The following HTR7 variants were observed in gnomAD, a reference collection of about 807,000 sequenced individuals.
HTR7 encodes 5-HT-7.
Under a neutral mutation model 34.0 loss-of-function variants are expected in HTR7, and 16 were observed. The ratio of observed to expected loss-of-function variants is 0.47; its 90% CI spans 0.32 to 0.71. The LOEUF (loss-of-function observed/expected upper bound fraction) is 0.71. Among genes scored for constraint, HTR7 ranks in the 30% least tolerant of loss-of-function variants. The pLI is 0.04. For missense variants in HTR7, 504 were observed against 625.5 expected (o/e 0.81, Z 2.07); for synonymous variants, 265 against 260.2 (o/e 1.02, Z -0.18).
chr10:90,749,573 G>A lies in HTR7; in HGVS notation c.561C>T (p.Pro187=), dbSNP rs1223418904. The A allele has an allele frequency of 3.1e-6, 5 of 1,611,444 alleles. No homozygotes were observed. The highest frequency in any genetic ancestry group is 4.2e-6 in the Non-Finnish European group (5 of 1,178,324). The part of the protein sequence containing the change: ...SIDRYLGITR[P]LTYPVRQNGK... ...CATTCTGCCTCACAGGGTATGTGAGGGGCCTTGTGATCCCAAGGTACCTAG... is the reference window on the plus strand; with the variant it reads ...CATTCTGCCTCACAGGGTATGTGAGAGGCCTTGTGATCCCAAGGTACCTAG... The change falls in exon 2 of 4, where the codon CCC becomes CCT. Residue 187 remains proline (P), a synonymous_variant. Coordinates refer to ENST00000336152, the MANE Select transcript of HTR7 (RefSeq NM_019859.4). This position sits in a 1 kb window ranked among gnomAD's most constrained non-coding sequence, Gnocchi z 4.2.
At chr10:90,845,720 C>T (rs1054115786) in intron 1 of HTR7, among the ~76,000 whole-genome samples, 2 of 152,146 alleles carry the variant, frequency 1.3e-5, no homozygotes. Context: ...TAGGTGGTGC[C>T]CCAGTGGTCA....
At chr10:90,828,904 G>A (rs1846120896) in intron 1 of HTR7, among the ~76,000 whole-genome samples, 1 of 151,350 alleles carries the variant, frequency 6.6e-6, no homozygotes, top group Admixed American at 6.6e-5. Flanking sequence ...GGATGTAGAA[G>A]TCTCAGGGGG....
intron 1 of HTR7, among the ~76,000 whole-genome samples, chr10:90,777,098 T>TA (rs1233423416): frequency 2.6e-5 from 4 of 152,192 alleles, no homozygotes; most frequent in Non-Finnish European, 5.9e-5. Context: ...AGGACAGGTA[T>TA]AGTCACTTAC....
At chr10:90,783,836 T>C (rs1478901826) in intron 1 of HTR7, among the ~76,000 whole-genome samples, 1 of 152,208 alleles carries the variant, frequency 6.6e-6, no homozygotes, top group Admixed American at 6.5e-5. Flanking sequence ...CACCTCTGCC[T>C]GGGTCTTCTT....
intron 1 of HTR7, among the ~76,000 whole-genome samples, chr10:90,761,933 G>T (rs1164344721): frequency 6.6e-6 from 1 of 152,066 alleles, no homozygotes; most frequent in Non-Finnish European, 1.5e-5. Flanking sequence ...TGCCCTGAAG[G>T]TTCATCTATG....
intron 1 of HTR7, among the ~76,000 whole-genome samples, chr10:90,768,809 G>C (rs1845063106): frequency 6.6e-6 from 1 of 152,106 alleles, no homozygotes; most frequent in South Asian, 2.1e-4. Context: ...CCACACTTCA[G>C]ATGAGAAAGA....
At chr10:90,764,931 T>A (rs1330775754) in intron 1 of HTR7, among the ~76,000 whole-genome samples, 2 of 152,288 alleles carry the variant, frequency 1.3e-5, no homozygotes, top group Non-Finnish European at 2.9e-5. Context: ...TTTGCTAGTA[T>A]TAATATTATG....
chr10:90,797,756 G>A (rs1426110725), intron 1 of HTR7, among the ~76,000 whole-genome samples: 1 of 152,204 alleles, frequency 6.6e-6, no homozygotes, highest in Non-Finnish European at 1.5e-5. Context: ...ATTCAATGAG[G>A]TCACATGCTG....
rs1216180972 is a variant in HTR7, at chr10:90,742,176, G to T, written c.*306C>A. ...ACTGGAACTTTCTCCCACTTGCATG[G>T]ATTTGGACATATGCAAAGCACCAGA... On this transcript the variant is annotated 3_prime_UTR_variant, in exon 4 of 4. Transcript: ENST00000336152. 9.2e-5 allele frequency: 21 copies of T among 228,130 alleles called. No homozygotes were observed. The highest frequency in any genetic ancestry group is 1.6e-4 in the Non-Finnish European group (19 of 116,580). The allele number at this position is 228,130 out of a possible 1,614,324, so 14.1% of individuals were successfully genotyped here. A position where few individuals can be genotyped will look rare whatever the true frequency, so the allele number is the denominator to read the frequency against.
At chr10:90,761,355 T>C (rs1192697407) in intron 1 of HTR7, among the ~76,000 whole-genome samples, 1 of 152,236 alleles carries the variant, frequency 6.6e-6, no homozygotes, top group African/African-American at 2.4e-5. Flanking sequence ...GTTTCTACCT[T>C]ATCACTTTCT....
intron 1 of HTR7, among the ~76,000 whole-genome samples, chr10:90,771,787 C>T (rs1328711066): frequency 6.6e-6 from 1 of 152,182 alleles, no homozygotes; most frequent in African/African-American, 2.4e-5. Context: ...CAAGTGCAGC[C>T]TGCCAGGCCG....
In HTR7 at chr10:90,844,500, C is replaced by T. The variant is rs531582265; in HGVS notation, c.539+12633G>A. Reference sequence around the variant, plus strand: ...CAGCACTTTGGGAGGCAGAGGCAGGCGGATCATGAGGTCAGGAGATCGAGA... The same window carrying T: ...CAGCACTTTGGGAGGCAGAGGCAGGTGGATCATGAGGTCAGGAGATCGAGA... On this transcript the variant is annotated intron_variant, in intron 1 of 3. Coordinates refer to ENST00000336152, the MANE Select transcript of HTR7 (RefSeq NM_019859.4). Among the ~76,000 whole-genome samples the T allele has an allele frequency of 6.7e-3, 1,020 of 151,414 alleles. 41 individuals are homozygous for T. The highest frequency in any genetic ancestry group is 0.06 in the Admixed American group (909 of 15,200).
chr10:90,794,929 T>G (rs77952844), intron 1 of HTR7, among the ~76,000 whole-genome samples: 2,467 of 152,268 alleles, frequency 0.016, 80 homozygotes, highest in African/African-American at 0.055. Context: ...ACATCAGAAA[T>G]CACTAGGAAC....
chr10:90,751,513 C>A lies in HTR7; in HGVS notation c.540-1919G>T, dbSNP rs191252008. Among the ~76,000 whole-genome samples the A allele has an allele frequency of 1.8e-4, 28 of 152,182 alleles. No homozygotes were observed. The East Asian group carries it at 5.4e-3, about 29-fold the overall frequency. ...CTCAATGTGGCATCCAAGACATGAG[C>A]CCAGGATGGTGCCTCAGGTTCACCA... On this transcript the variant is annotated intron_variant, in intron 1 of 3. Coordinates refer to ENST00000336152, the MANE Select transcript of HTR7 (RefSeq NM_019859.4).
Position 90,857,352 on chromosome 10 carries a change from C to A in HTR7, c.320G>T (p.Cys107Phe). Residue 107 changes from cysteine (C) to phenylalanine (F), a missense_variant, in exon 1 of 4, where the codon TGC (cysteine) becomes TTC (phenylalanine). Coordinates refer to ENST00000336152, the MANE Select transcript of HTR7 (RefSeq NM_019859.4). This position sits in a 1 kb window ranked among gnomAD's most constrained non-coding sequence, Gnocchi z 6.5. ...GGGCTGGCGGAGCTTCTTGACGAAG[C>A]ACACGGAGATCACCACCAGGCAGTT... ...AGNCLVVISVCFVKKLRQPSN... is the reference protein window; with the variant it reads ...AGNCLVVISVFFVKKLRQPSN... 3 of 1,614,058 alleles carry A rather than the reference C, an allele frequency of 1.9e-6. No homozygotes were observed. The highest frequency in any genetic ancestry group is 2.5e-6 in the Non-Finnish European group (3 of 1,179,982).
At chr10:90,764,588 T>C (rs1844991897) in intron 1 of HTR7, among the ~76,000 whole-genome samples, 1 of 152,172 alleles carries the variant, frequency 6.6e-6, no homozygotes, top group Non-Finnish European at 1.5e-5. Context: ...GTTTTCTACA[T>C]ATAAGATCAT....
chr10:90,830,789 G>GAAA (rs770904900), intron 1 of HTR7, among the ~76,000 whole-genome samples: 15,839 of 83,390 alleles, frequency 0.19, 1,132 homozygotes, highest in East Asian at 0.23. Context: ...CCCTGTCTCA[G>GAAA]AAAAAAAAAA....
intron 1 of HTR7, among the ~76,000 whole-genome samples, chr10:90,850,635 A>G (rs985761507): frequency 6.6e-6 from 1 of 152,212 alleles, no homozygotes; most frequent in African/African-American, 2.4e-5. Context: ...AAAATATAAC[A>G]AGATGAAGAA....
intron 1 of HTR7, among the ~76,000 whole-genome samples, chr10:90,826,937 AAAAAAT>A (rs1846085937): frequency 1.3e-5 from 2 of 151,962 alleles, no homozygotes; most frequent in East Asian, 1.9e-4. Context: ...ACTCCATCTC[AAAAAAT>A]AAAAATAATA....
Sources: allele counts gnomAD v4.1 joint callset (sites outside exome capture counted in the v4.1 genomes callset), GRCh38; gene constraint gnomAD v4.1.1; non-coding constraint Gnocchi (gnomAD v3.1); transcripts MANE v1.5; gene names NCBI Gene and HGNC (gene_info 2026-07-23, HGNC 2026-07-21).